FBXW7: variants seen among roughly 807,000 people sequenced by gnomAD.
The protein encoded by FBXW7 is F-box/WD repeat-containing protein 7.
FBXW7 carries 11 observed loss-of-function variants against 86.3 expected under a neutral mutation model. The observed-to-expected ratio is 0.13, with a 90% confidence interval of 0.08 to 0.21. The LOEUF (loss-of-function observed/expected upper bound fraction) is 0.21. Ranked by LOEUF, FBXW7 falls within the 10% of genes least tolerant of loss-of-function variation. The pLI, the probability that FBXW7 is intolerant of heterozygous loss-of-function variation, is 1.00. For missense variants in FBXW7, 488 were observed against 847.4 expected, an observed-to-expected ratio of 0.58 and a Z score of 5.27; for synonymous variants, 313 against 297.9, an observed-to-expected ratio of 1.05 and a Z score of -0.52.
At chr4:152,503,267 C>G (rs1049374459) in intron 2 of FBXW7, among the ~76,000 whole-genome samples, 11 of 152,008 alleles carry the variant, frequency 7.2e-5, no homozygotes, top group African/African-American at 2.7e-4. Flanking sequence ...ATAAGAGACA[C>G]TACCTTATTA....
At chr4:152,352,496 C>A (rs1024469418) in intron 4 of FBXW7, 24 of 1,613,722 alleles carry the variant, frequency 1.5e-5, no homozygotes, top group Non-Finnish European at 2.0e-5. Flanking sequence ...TTTAATGTGC[C>A]GTAGAAACCC....
intron 2 of FBXW7, among the ~76,000 whole-genome samples, chr4:152,454,406 T>C (rs1447185306): frequency 6.6e-6 from 1 of 152,142 alleles, no homozygotes; most frequent in Non-Finnish European, 1.5e-5. Flanking sequence ...TTCTTTTTGT[T>C]TTCTTTTGCC....
chr4:152,491,213 T>C (rs1047674434), intron 2 of FBXW7, among the ~76,000 whole-genome samples: 4 of 152,184 alleles, frequency 2.6e-5, no homozygotes, highest in Non-Finnish European at 4.4e-5. Flanking sequence ...CTCACATTCA[T>C]ACATTTTATA....
intron 4 of FBXW7, among the ~76,000 whole-genome samples, chr4:152,408,503 T>A (rs1237874989): frequency 1.3e-5 from 2 of 152,178 alleles, no homozygotes; most frequent in Admixed American, 6.5e-5. Context: ...CTCTATAAAA[T>A]TTTTTAACAG....
At chr4:152,529,709 G>A (rs1329153769) in intron 2 of FBXW7, among the ~76,000 whole-genome samples, 1 of 152,092 alleles carries the variant, frequency 6.6e-6, no homozygotes, top group Non-Finnish European at 1.5e-5. Context: ...GCTCACGCCT[G>A]CAATCCCAGC....
intron 4 of FBXW7, among the ~76,000 whole-genome samples, chr4:152,372,209 T>C (rs1379049930): frequency 2.0e-5 from 3 of 151,960 alleles, no homozygotes; most frequent in African/African-American, 7.2e-5. Flanking sequence ...TACTCATCTA[T>C]ATATGTATGT....
At chr4:152,461,082 C>A (rs1314425505) in intron 2 of FBXW7, among the ~76,000 whole-genome samples, 1 of 152,062 alleles carries the variant, frequency 6.6e-6, no homozygotes, top group Non-Finnish European at 1.5e-5. Flanking sequence ...GGAGGGAGTT[C>A]AAGACCAGCC....
chr4:152,499,359 G>A (rs1746688572), intron 2 of FBXW7, among the ~76,000 whole-genome samples: 1 of 152,132 alleles, frequency 6.6e-6, no homozygotes, highest in South Asian at 2.1e-4. Flanking sequence ...TAGCTGCAAG[G>A]AATACTAGGA....
intron 2 of FBXW7, among the ~76,000 whole-genome samples, chr4:152,491,810 C>T (rs974480979): frequency 6.6e-6 from 1 of 152,048 alleles, no homozygotes; most frequent in African/African-American, 2.4e-5. Flanking sequence ...CAACCACCAA[C>T]GTTCTGCAAT....
chr4:152,337,695 C>T, intron 7 of FBXW7, 107 bp downstream of exon 7: 1 of 1,186,672 alleles, frequency 8.4e-7, no homozygotes, highest in Non-Finnish European at 1.2e-6. Context: ...GAGTGTCAAA[C>T]TGACAATACC....
At position 152,352,951 on chromosome 4, in the gene FBXW7, C is replaced by T. The variant is rs75404427; in HGVS notation, c.502-2827G>A. On this transcript the variant is annotated intron_variant, in intron 4 of 13. Coordinates refer to ENST00000281708, the MANE Select transcript of FBXW7 (RefSeq NM_001349798.2). ...TTATATGGTGATCCGCTCCAGGGAA[C>T]CCGTAAGAACACAACGCACTGAACA... 3.9e-4 allele frequency: 546 copies of T among 1,395,834 alleles called. 3 individuals are homozygous for T. The African/African-American group carries it at 7.5e-3, about 19-fold the overall frequency. 86.5% of individuals were successfully genotyped at this position (1,395,834 alleles called of 1,614,324 possible).
chr4:152,437,830 A>G (rs981396648), intron 2 of FBXW7, among the ~76,000 whole-genome samples: 1 of 152,190 alleles, frequency 6.6e-6, no homozygotes, highest in African/African-American at 2.4e-5. Flanking sequence ...CAGCAGTAAA[A>G]TGATCGTGAC....
chr4:152,510,955 C>A (rs1039982454), intron 2 of FBXW7, among the ~76,000 whole-genome samples: 1 of 151,950 alleles, frequency 6.6e-6, no homozygotes, highest in Non-Finnish European at 1.5e-5. Flanking sequence ...ACATTAAATA[C>A]CTACATATAC....
chr4:152,332,578 T>C lies in FBXW7; in HGVS notation c.985+18A>G, dbSNP rs757861302. ...TTTCAAAGTATAAACATATTCTCTA[T>C]GCAATTTTGAACCTTACCCTCTTCT... On this transcript the variant is annotated intron_variant, in intron 8 of 13. Transcript: ENST00000281708. 9.0e-6 allele frequency: 14 copies of C among 1,557,914 alleles called. No homozygotes were observed. The highest frequency in any genetic ancestry group is 7.0e-5 in the Admixed American group (4 of 57,348).
intron 2 of FBXW7, among the ~76,000 whole-genome samples, chr4:152,503,911 CA>C (rs983888868): frequency 1.3e-5 from 2 of 151,760 alleles, no homozygotes; most frequent in Non-Finnish European, 2.9e-5. Context: ...ATGTACATGC[CA>C]AAAATATGAA....
intron 2 of FBXW7, among the ~76,000 whole-genome samples, chr4:152,497,042 G>C (rs1429526211): frequency 6.6e-6 from 1 of 152,116 alleles, no homozygotes; most frequent in African/African-American, 2.4e-5. Context: ...CGACACGAAG[G>C]CCGGGCACAA....
At chr4:152,378,555 C>A (rs890949576) in intron 4 of FBXW7, among the ~76,000 whole-genome samples, 6 of 152,064 alleles carry the variant, frequency 3.9e-5, no homozygotes, top group Non-Finnish European at 8.8e-5. Flanking sequence ...CCCAAATAAA[C>A]CAACAATTGC....
chr4:152,333,262 G>A (rs1304073101), intron 7 of FBXW7, among the ~76,000 whole-genome samples: 1 of 151,830 alleles, frequency 6.6e-6, no homozygotes, highest in East Asian at 1.9e-4. Context: ...TGACAAAGGG[G>A]GACAATTATT....
chr4:152,405,199 CA>C (rs1236560709), intron 4 of FBXW7, among the ~76,000 whole-genome samples: 2 of 150,852 alleles, frequency 1.3e-5, no homozygotes, highest in Admixed American at 6.6e-5. Flanking sequence ...ACAAATTTAC[CA>C]AATTTCTACT....
Sources: gnomAD v4.1 joint callset for allele counts (sites outside exome capture counted in the v4.1 genomes callset) on GRCh38, gnomAD v4.1.1 for gene constraint, MANE v1.5 for transcripts, NCBI Gene and HGNC (gene_info 2026-07-23, HGNC 2026-07-21) for gene names.